SPART: variants seen among roughly 807,000 people sequenced by gnomAD.
The protein encoded by SPART is spastic paraplegia 20 (Troyer syndrome).
Under a neutral mutation model 58.7 loss-of-function variants are expected in SPART, and 35 were observed. The observed-to-expected ratio is 0.60, with a 90% CI of 0.46 to 0.79. The LOEUF (loss-of-function observed/expected upper bound fraction) is 0.79, where lower values mean the gene tolerates loss of function less well. Ranked by LOEUF, SPART falls within the 30% of genes least tolerant of loss-of-function variation. The pLI, the probability that SPART is intolerant of heterozygous loss-of-function variation, is 0.00. For synonymous variants in SPART, 284 were observed against 280.7 expected (o/e 1.01, Z -0.12); for missense variants, 730 against 786.1 (o/e 0.93, Z 0.85).
intron 5 of SPART, among the ~76,000 whole-genome samples, chr13:36,315,148 T>C (rs1418569539): frequency 2.0e-5 from 3 of 152,218 alleles, no homozygotes; most frequent in Non-Finnish European, 2.9e-5. Context: ...GCTTTGCTTA[T>C]GTTCTCGCAG....
chr13:36,359,159 T>C (rs963711796), intron 1 of SPART, among the ~76,000 whole-genome samples: 1 of 152,232 alleles, frequency 6.6e-6, no homozygotes, highest in African/African-American at 2.4e-5. Flanking sequence ...GAAATTAACA[T>C]TTTGTTGAAT....
chr13:36,314,853 AAGAC>A, intron 5 of SPART, among the ~76,000 whole-genome samples: 1 of 152,312 alleles, frequency 6.6e-6, no homozygotes, highest in African/African-American at 2.4e-5. Context: ...TTGAGGGAGA[AAGAC>A]AGAAACATCA....
intron 1 of SPART, among the ~76,000 whole-genome samples, chr13:36,362,682 C>T (rs1378506098): frequency 2.0e-5 from 3 of 152,094 alleles, no homozygotes; most frequent in African/African-American, 7.2e-5. Flanking sequence ...ACTCCTCCAC[C>T]AGGCTAACCC....
chr13:36,365,756 A>G (rs1185886403), intron 1 of SPART: 2 of 342,320 alleles, frequency 5.8e-6, no homozygotes, highest in East Asian at 1.8e-4. Flanking sequence ...AACGTCTGCA[A>G]TGGAACAGGC....
intron 1 of SPART, chr13:36,368,182 C>T (rs1166681689): frequency 2.2e-6 from 1 of 462,306 alleles, no homozygotes; most frequent in Non-Finnish European, 4.5e-6. Context: ...TTTACTCATT[C>T]CTTTCTCCCT....
chr13:36,365,181 A>C (rs1029627008), intron 1 of SPART, among the ~76,000 whole-genome samples: 1 of 152,198 alleles, frequency 6.6e-6, no homozygotes, highest in African/African-American at 2.4e-5. Flanking sequence ...TTATCATTTT[A>C]TCCAAAGTAG....
chr13:36,354,838 C>T (rs1026878690), intron 1 of SPART, among the ~76,000 whole-genome samples: 6 of 152,126 alleles, frequency 3.9e-5, no homozygotes, highest in Non-Finnish European at 7.3e-5. Context: ...TTCTACTCTA[C>T]GTGGATTTAC....
intron 8 of SPART, among the ~76,000 whole-genome samples, chr13:36,311,925 TA>T (rs539716464): frequency 1.3e-3 from 185 of 141,658 alleles, no homozygotes; most frequent in Admixed American, 1.3e-3. Context: ...CCATTTCTAC[TA>T]AAAAAAAAAA....
chr13:36,320,169 A>C (rs570842291), intron 5 of SPART, among the ~76,000 whole-genome samples: 5 of 152,220 alleles, frequency 3.3e-5, no homozygotes, highest in East Asian at 3.9e-4. Flanking sequence ...TACAGTTCTC[A>C]TAACTTCCAA....
At chr13:36,331,261 T>C (rs1416786121) in intron 3 of SPART, 138 bp downstream of exon 3, 3 of 790,576 alleles carry the variant, frequency 3.8e-6, no homozygotes, top group Non-Finnish European at 6.5e-6. Flanking sequence ...AAGCATGTAG[T>C]TGTGAACACA....
intron 1 of SPART, among the ~76,000 whole-genome samples, chr13:36,361,282 ACT>A (rs1885850008): frequency 6.6e-6 from 1 of 152,196 alleles, no homozygotes; most frequent in Non-Finnish European, 1.5e-5. Flanking sequence ...ATATTTCTGA[ACT>A]CTCTAAAAGA....
rs150173371 is a variant in SPART at position 36,326,398 on chromosome 13, T to C, written c.1288+177A>G. The C allele has an allele frequency of 5.6e-4, 392 of 694,952 alleles. No homozygotes were observed. The African/African-American group carries it at 6.0e-3, about 11-fold the overall frequency. 43.0% of individuals were successfully genotyped at this position (694,952 alleles called of 1,614,324 possible). A position where few individuals can be genotyped will look rare whatever the true frequency, so the allele number is the denominator to read the frequency against. ...ATAGGCCAGGAAGAATTTATACTTA[T>C]ATGACAATATCTGATGTTTCAAAAG... On this transcript the variant is annotated intron_variant, in intron 5 of 8. Coordinates refer to ENST00000438666, the MANE Select transcript of SPART (RefSeq NM_015087.5).
At position 36,314,282 on chromosome 13, in the gene SPART, T is replaced by C. The variant is rs773615066; in HGVS notation, c.1428A>G (p.Gly476=). 6 of 1,614,042 alleles carry C rather than the reference T, an allele frequency of 3.7e-6. No homozygotes were observed. In the South Asian group the frequency reaches 5.5e-5, roughly 15 times the overall value. The change falls in exon 6 of 9, where the codon GGA becomes GGG. Residue 476 remains glycine, a synonymous_variant. Transcript: ENST00000438666. The part of the protein sequence containing the change: ...PVEVSPAVTK[G]LYIAKQATGG... Reference sequence around the variant, plus strand: ...CTGTAGCTTGCTTCGCTATATAAAGTCCCTTGGTGACAGCTGGACTAACTT... The same window carrying C: ...CTGTAGCTTGCTTCGCTATATAAAGCCCCTTGGTGACAGCTGGACTAACTT...
chr13:36,344,378 G>A (rs145466588), intron 1 of SPART, among the ~76,000 whole-genome samples: 7 of 152,186 alleles, frequency 4.6e-5, no homozygotes, highest in Non-Finnish European at 1.0e-4. Flanking sequence ...AAAGAAGAGT[G>A]TGCCTGTGTG....
chr13:36,302,507 C>G lies in SPART; in HGVS notation c.*1858G>C, dbSNP rs1325561949. 1 of 152,164 alleles carries G rather than the reference C, an allele frequency of 6.6e-6. No individual in the cohort carries two copies. The highest frequency in any genetic ancestry group is 1.5e-5 in the Non-Finnish European group (1 of 68,036). 9.4% of individuals were successfully genotyped at this position (152,164 alleles called of 1,614,324 possible). A position where few individuals can be genotyped will look rare whatever the true frequency, so the allele number is the denominator to read the frequency against. On this transcript the variant is annotated 3_prime_UTR_variant, in exon 9 of 9. Coordinates refer to ENST00000438666, the MANE Select transcript of SPART (RefSeq NM_015087.5). ...TCCAATAAAACGTTATTTATGAAAA[C>G]AGGTGGACATCTGGATTTAGCCCAT...
rs1880121124 is a variant in SPART, at chr13:36,302,838, T to A, written c.*1527A>T. The A allele has an allele frequency of 6.6e-6, 1 of 152,164 alleles. No homozygotes were observed. Among genetic ancestry groups the A allele is most frequent in the South Asian group, 2.1e-4 (1 of 4,828 alleles). 9.4% of individuals were successfully genotyped at this position (152,164 alleles called of 1,614,324 possible). ...AATACTACAACAAATTCGTTCTAAC[T>A]ATATTTTCGTACCCATTAATCAACC... On this transcript the variant is annotated 3_prime_UTR_variant, in exon 9 of 9. Transcript: ENST00000438666.
upstream of SPART, among the ~76,000 whole-genome samples, chr13:36,349,150 C>G (rs1481749398): frequency 1.3e-5 from 2 of 152,120 alleles, no homozygotes; most frequent in African/African-American, 4.8e-5. Flanking sequence ...GTAATCCTAG[C>G]TACCCAAGAG....
At chr13:36,354,022 C>A (rs1272087677) in intron 1 of SPART, among the ~76,000 whole-genome samples, 1 of 152,180 alleles carries the variant, frequency 6.6e-6, no homozygotes, top group African/African-American at 2.4e-5. Flanking sequence ...AGTAGAGTAA[C>A]CTTAGATGAC....
intron 5 of SPART, among the ~76,000 whole-genome samples, chr13:36,315,034 A>G (rs1411543183): frequency 6.6e-6 from 1 of 152,256 alleles, no homozygotes; most frequent in Non-Finnish European, 1.5e-5. Context: ...TGACAAAAAC[A>G]TGAGAACACT....
Sources: gnomAD v4.1 joint callset for allele counts (sites outside exome capture counted in the v4.1 genomes callset) on GRCh38, gnomAD v4.1.1 for gene constraint, MANE v1.5 for transcripts, NCBI Gene and HGNC (gene_info 2026-07-23, HGNC 2026-07-21) for gene names.